SYNE2: variants seen among roughly 807,000 people sequenced by gnomAD.
SYNE2 encodes nesprin-2.
In SYNE2, 431 loss-of-function variants were observed where a neutral mutation model predicts 856.3. The observed-to-expected ratio is 0.50, with a 90% CI of 0.47 to 0.55. The LOEUF (loss-of-function observed/expected upper bound fraction) is 0.55. Among genes scored for constraint, SYNE2 ranks in the 20% least tolerant of loss-of-function variants. The pLI, the probability that SYNE2 is intolerant of heterozygous loss-of-function variation, is 0.00. For missense variants in SYNE2, 8,129 were observed against 8,023.2 expected (o/e 1.01, Z -0.50); for synonymous variants, 2,923 against 2,872.3 (o/e 1.02, Z -0.56).
intron 13 of SYNE2, 117 bp from the exon 14 acceptor site, chr14:63,978,735 G>C: frequency 1.3e-6 from 1 of 794,086 alleles, no homozygotes; most frequent in East Asian, 2.7e-5. Flanking sequence ...ATACATCTGA[G>C]TTCCATGTGC....
intron 1 of SYNE2, among the ~76,000 whole-genome samples, chr14:63,907,381 T>A (rs180862910): frequency 2.9e-4 from 44 of 152,304 alleles, no homozygotes; most frequent in African/African-American, 9.4e-4. Flanking sequence ...TGGATTCAAG[T>A]CTTGGCTCCA....
intron 31 of SYNE2, among the ~76,000 whole-genome samples, chr14:64,007,997 C>T (rs899410914): frequency 2.6e-5 from 4 of 151,488 alleles, no homozygotes; most frequent in East Asian, 1.9e-4. Flanking sequence ...GACCCTGTCT[C>T]GAAAAAAAAA....
intron 57 of SYNE2, among the ~76,000 whole-genome samples, chr14:64,083,205 C>T (rs2097536847): frequency 6.6e-6 from 1 of 152,020 alleles, no homozygotes; most frequent in African/African-American, 2.4e-5. Context: ...TGCTGCATTT[C>T]TACCCATTTT....
intron 1 of SYNE2, among the ~76,000 whole-genome samples, chr14:63,847,537 A>G (rs540842882): frequency 2.0e-5 from 3 of 151,540 alleles, no homozygotes; most frequent in Admixed American, 1.3e-4. Context: ...GATATAGCCA[A>G]TTTTCATTGC....
At chr14:63,980,812 G>A in intron 15 of SYNE2, 80 bp downstream of exon 15, 2 of 1,202,962 alleles carry the variant, frequency 1.7e-6, no homozygotes, top group Non-Finnish European at 2.4e-6. Flanking sequence ...TCTATATAAT[G>A]TTTTAGAAAT....
intron 45 of SYNE2, among the ~76,000 whole-genome samples, chr14:64,044,059 C>T (rs112100824): frequency 1.3e-4 from 20 of 152,324 alleles, no homozygotes; most frequent in African/African-American, 4.3e-4. Flanking sequence ...ATGGTAGATC[C>T]ACTGACAGCT....
At chr14:63,847,883 G>A (rs963784768) in intron 1 of SYNE2, among the ~76,000 whole-genome samples, 3 of 150,052 alleles carry the variant, frequency 2.0e-5, no homozygotes, top group Non-Finnish European at 3.0e-5. Context: ...ACCATGCCCC[G>A]CCTATTTTTT....
intron 1 of SYNE2, among the ~76,000 whole-genome samples, chr14:63,868,130 A>G (rs1439706984): frequency 1.3e-5 from 2 of 152,228 alleles, no homozygotes; most frequent in Non-Finnish European, 2.9e-5. Flanking sequence ...AACTAACAGA[A>G]CTGGTTTAGC....
chr14:63,915,433 G>A (rs982378821), intron 2 of SYNE2, among the ~76,000 whole-genome samples: 3 of 152,146 alleles, frequency 2.0e-5, no homozygotes, highest in Non-Finnish European at 4.4e-5. Flanking sequence ...TGTAACAGGA[G>A]CAATTTACTT....
At chr14:64,020,223 A>T (rs545186092) in intron 35 of SYNE2, 130 bp downstream of exon 35, 31 of 685,938 alleles carry the variant, frequency 4.5e-5, no homozygotes, top group South Asian at 4.3e-4. Context: ...CCAATTAAAG[A>T]TTCTCTATAA....
chr14:64,093,676 C>T (rs2097649921), intron 61 of SYNE2, among the ~76,000 whole-genome samples, 196 bp downstream of exon 61: 1 of 152,144 alleles, frequency 6.6e-6, no homozygotes, highest in Non-Finnish European at 1.5e-5. Flanking sequence ...ATATAATTAT[C>T]ATTACTAAAA....
At chr14:63,959,711 C>T (rs2096286007) in intron 8 of SYNE2, among the ~76,000 whole-genome samples, 1 of 152,026 alleles carries the variant, frequency 6.6e-6, no homozygotes, top group Non-Finnish European at 1.5e-5. Flanking sequence ...TTTTTACCTT[C>T]TTTTCTCCCT....
At chr14:64,104,144 T>C (rs1413918661) in intron 64 of SYNE2, among the ~76,000 whole-genome samples, 2 of 152,202 alleles carry the variant, frequency 1.3e-5, no homozygotes, top group Non-Finnish European at 2.9e-5. Flanking sequence ...TCCTTGGTGT[T>C]CTACTCCCTC....
chr14:64,083,177 C>A (rs1284366150), intron 57 of SYNE2, among the ~76,000 whole-genome samples: 1 of 152,014 alleles, frequency 6.6e-6, no homozygotes, highest in African/African-American at 2.4e-5. Context: ...TTTTTTCTTA[C>A]GGTAACAGTT....
intron 84 of SYNE2, among the ~76,000 whole-genome samples, chr14:64,148,765 C>T (rs1279202727): frequency 1.3e-5 from 2 of 152,122 alleles, no homozygotes; most frequent in Non-Finnish European, 2.9e-5. Flanking sequence ...TTCCCTAGCA[C>T]CCCATGTAGC....
At chr14:64,026,973 G>T (rs2096985259) in intron 42 of SYNE2, among the ~76,000 whole-genome samples, 1 of 152,128 alleles carries the variant, frequency 6.6e-6, no homozygotes, top group African/African-American at 2.4e-5. Context: ...TTAAATATGT[G>T]AACATTGATA....
intron 1 of SYNE2, among the ~76,000 whole-genome samples, chr14:63,780,252 G>T (rs1031784851): frequency 1.3e-5 from 2 of 152,014 alleles, no homozygotes; most frequent in African/African-American, 4.8e-5. Flanking sequence ...AATAAAAAGG[G>T]GCCAGGCATT....
At chr14:63,886,801 A>G (rs2094997808) in intron 1 of SYNE2, among the ~76,000 whole-genome samples, 2 of 152,140 alleles carry the variant, frequency 1.3e-5, no homozygotes, top group South Asian at 2.1e-4. Context: ...CTGGGACTAC[A>G]GGTGTGCTCC....
intron 1 of SYNE2, among the ~76,000 whole-genome samples, chr14:63,867,936 C>T (rs1895856251): frequency 6.6e-6 from 1 of 151,820 alleles, no homozygotes. Flanking sequence ...TGGCATGAAC[C>T]TGTGTTGGGA....
Sources: gnomAD v4.1 joint callset for allele counts (sites outside exome capture counted in the v4.1 genomes callset) on GRCh38, gnomAD v4.1.1 for gene constraint, MANE v1.5 for transcripts, NCBI Gene and HGNC (gene_info 2026-07-23, HGNC 2026-07-21) for gene names.